Variants in DDX50 observed in about 807,000 individuals in gnomAD.
DDX50 encodes the protein DExD-box helicase 50, also known as ATP-dependent RNA helicase DDX50.
DDX50 carries 56 observed loss-of-function variants against 94.8 expected under a neutral mutation model. The ratio of observed to expected loss-of-function variants is 0.59; its 90% confidence interval spans 0.48 to 0.74. The LOEUF (loss-of-function observed/expected upper bound fraction) is 0.74, where lower values mean the gene tolerates loss of function less well. Ranked by LOEUF, DDX50 falls within the 30% of genes least tolerant of loss-of-function variation. The pLI is 0.00. For missense variants in DDX50, 713 were observed against 881.2 expected (o/e 0.81, Z 2.42); for synonymous variants, 264 against 295.4 (o/e 0.89, Z 1.09).
intron 2 of DDX50, among the ~76,000 whole-genome samples, chr10:68,909,653 T>G (rs566256318): frequency 6.6e-6 from 1 of 152,132 alleles, no homozygotes; most frequent in African/African-American, 2.4e-5. Flanking sequence ...GGTAGGAGGA[T>G]CTTTTTTTTT....
At chr10:68,929,587 A>G (rs1564612915) in intron 8 of DDX50, among the ~76,000 whole-genome samples, 1 of 151,210 alleles carries the variant, frequency 6.6e-6, no homozygotes, top group African/African-American at 2.4e-5. Context: ...CACCACACCC[A>G]GCTAATTTTT....
At chr10:68,933,670 A>C (rs1842330607) in intron 8 of DDX50, among the ~76,000 whole-genome samples, 1 of 151,856 alleles carries the variant, frequency 6.6e-6, no homozygotes, top group Non-Finnish European at 1.5e-5. Flanking sequence ...GTGGTGGCTC[A>C]CGCCTGTAAT....
At position 68,934,532 on chromosome 10, in the gene DDX50, ACT is replaced by A. The variant is rs1842356994; in HGVS notation, c.1401+175_1401+176del. 1.3e-5 allele frequency among the ~76,000 whole-genome samples: 2 copies of A among 152,114 alleles called. No individual in the cohort carries two copies. Among genetic ancestry groups the A allele is most frequent in the Non-Finnish European group, 2.9e-5 (2 of 68,036 alleles). On this transcript the variant is annotated intron_variant, in intron 9 of 14. Transcript: ENST00000373585. The surrounding 1 kb of genome is among the most constrained non-coding windows in gnomAD (Gnocchi z 4.0). Reference sequence around the variant, plus strand: ...ATTCTGATACTTTTGCAGATGATTAACTCTATTGTTTGTATTTGAAGCATGGA... The same window carrying A: ...ATTCTGATACTTTTGCAGATGATTAACTATTGTTTGTATTTGAAGCATGGA...
intron 8 of DDX50, among the ~76,000 whole-genome samples, chr10:68,924,960 A>C (rs1842041260): frequency 6.6e-6 from 1 of 152,138 alleles, no homozygotes; most frequent in African/African-American, 2.4e-5. Context: ...CAACAATTTG[A>C]GAATATGCCT....
intron 8 of DDX50, among the ~76,000 whole-genome samples, chr10:68,929,614 C>T (rs1436344257): frequency 6.6e-6 from 1 of 151,412 alleles, no homozygotes; most frequent in Admixed American, 6.6e-5. Context: ...TTAGTAGAGA[C>T]GAGGTTTCAC....
chr10:68,928,272 T>C (rs1842142073), intron 8 of DDX50, among the ~76,000 whole-genome samples: 1 of 152,146 alleles, frequency 6.6e-6, no homozygotes, highest in Admixed American at 6.6e-5. Context: ...GCAATGATCA[T>C]GCCACTGCAC....
At chr10:68,936,644 G>A (rs896606883) in intron 11 of DDX50, among the ~76,000 whole-genome samples, 1 of 149,250 alleles carries the variant, frequency 6.7e-6, no homozygotes, top group Non-Finnish European at 1.5e-5. Context: ...TTTGAGACTA[G>A]CTTGGCCAAC....
chr10:68,943,968 A>C lies in DDX50; in HGVS notation c.1935+711A>C, dbSNP rs569150025. ...CATGTACCCAACACTCAGCTTCAACAATTATCAGTTCATAGCCAGTTTTGT... is the reference window on the plus strand; with the variant it reads ...CATGTACCCAACACTCAGCTTCAACCATTATCAGTTCATAGCCAGTTTTGT... On this transcript the variant is annotated intron_variant, in intron 14 of 14. Transcript: ENST00000373585. Among the ~76,000 whole-genome samples, 2 of 152,302 alleles carry C rather than the reference A, an allele frequency of 1.3e-5. 1 individual carries two copies. The highest frequency in any genetic ancestry group is 4.8e-5 in the African/African-American group (2 of 41,570).
At chr10:68,909,044 T>C (rs1280256377) in intron 2 of DDX50, among the ~76,000 whole-genome samples, 1 of 152,156 alleles carries the variant, frequency 6.6e-6, no homozygotes, top group African/African-American at 2.4e-5. Flanking sequence ...CAGGCTAGTC[T>C]TGAACTCCTG....
intron 8 of DDX50, among the ~76,000 whole-genome samples, chr10:68,926,811 T>C (rs1458156772): frequency 6.8e-6 from 1 of 146,490 alleles, no homozygotes; most frequent in Non-Finnish European, 1.5e-5. Context: ...ACACACACTT[T>C]TGGAAAAAAA....
Position 68,913,180 on chromosome 10 carries a change from A to T in DDX50, c.658A>T (p.Thr220Ser). 6.2e-7 allele frequency: 1 copy of T among 1,608,934 alleles called. No individual in the cohort carries two copies. Among genetic ancestry groups the T allele is most frequent in the Non-Finnish European group, 8.5e-7 (1 of 1,178,852 alleles). Residue 220 changes from threonine (T) to serine (S), a missense_variant, in exon 5 of 15, where the codon ACA becomes TCA. Thr to Ser is a moderately conservative substitution (Grantham distance 58). Transcript: ENST00000373585. Reference sequence around the variant, plus strand: ...TGCTCAGGTACTTGTTTTGGCTCCAACAAGGGAACTGGCAAACCAAGTAGC... The same window carrying T: ...TGCTCAGGTACTTGTTTTGGCTCCATCAAGGGAACTGGCAAACCAAGTAGC... Reference protein sequence around the residue: ...RSPKVLVLAPTRELANQVAKD... With the variant: ...RSPKVLVLAPSRELANQVAKD...
intron 8 of DDX50, among the ~76,000 whole-genome samples, chr10:68,929,378 TTTCCTTCCTTTCCTTTCTTTCCTTTC>T (rs1842188041): frequency 1.3e-5 from 2 of 151,036 alleles, no homozygotes; most frequent in African/African-American, 4.9e-5. Context: ...CTTTCCTTTC[TTTCCTTCCTTTCCTTTCTTTCCTTTC>T]TTCCTTCCTT....
At chr10:68,935,256 A>G (rs1484709879) in intron 10 of DDX50, among the ~76,000 whole-genome samples, 10 of 152,236 alleles carry the variant, frequency 6.6e-5, no homozygotes, top group Non-Finnish European at 1.2e-4. Context: ...GTATGGTACA[A>G]TAGACAGTTT....
At chr10:68,945,677 A>G (rs1472925385) in intron 14 of DDX50, among the ~76,000 whole-genome samples, 1 of 152,180 alleles carries the variant, frequency 6.6e-6, no homozygotes, top group Non-Finnish European at 1.5e-5. Flanking sequence ...TAAAATAGTG[A>G]TGCTCTTATG....
chr10:68,910,533 G>GT lies in DDX50; in HGVS notation c.460+153dup, dbSNP rs568970686. The GT allele has an allele frequency of 2.1e-4, 119 of 577,978 alleles. 1 individual carries two copies. The highest frequency in any genetic ancestry group is 1.9e-3 in the African/African-American group (98 of 50,992). The allele number at this position is 577,978 out of a possible 1,614,324, so 35.8% of individuals were successfully genotyped here. A position where few individuals can be genotyped will look rare whatever the true frequency, so the allele number is the denominator to read the frequency against. On this transcript the variant is annotated intron_variant, in intron 3 of 14. Transcript: ENST00000373585. Reference sequence around the variant, plus strand: ...TTCTCCTACCTCAGCCTGCTGAGTAGTTGGGATTATAGGCGTGTGCCACCA... The same window carrying GT: ...TTCTCCTACCTCAGCCTGCTGAGTAGTTTGGGATTATAGGCGTGTGCCACCA...
At chr10:68,935,301 T>G (rs544813005) in intron 10 of DDX50, among the ~76,000 whole-genome samples, 173 of 152,340 alleles carry the variant, frequency 1.1e-3, no homozygotes, top group African/African-American at 3.8e-3. Context: ...GGTCTGGATT[T>G]TTTGTGGTAT....
intron 2 of DDX50, among the ~76,000 whole-genome samples, chr10:68,909,720 T>G (rs370862884): frequency 6.6e-6 from 1 of 152,096 alleles, no homozygotes; most frequent in African/African-American, 2.4e-5. Context: ...TGGAGTGCCA[T>G]GGTGCAATCT....
chr10:68,901,316 C>T lies in DDX50; in HGVS notation c.-69C>T, dbSNP rs375977620. 5.4e-5 allele frequency: 78 copies of T among 1,446,322 alleles called. No homozygotes were observed. Among genetic ancestry groups the T allele is most frequent in the African/African-American group, 1.7e-4 (12 of 68,992 alleles). The allele number at this position is 1,446,322 out of a possible 1,614,324, so 89.6% of individuals were successfully genotyped here. ...CGGGCGGCCGCCTTGCCCCCGCTTC[C>T]TTTCACGCTGTCGCTGCCCGTAGGT... On this transcript the variant is annotated 5_prime_UTR_variant, in exon 1 of 15. Coordinates refer to ENST00000373585, the MANE Select transcript of DDX50 (RefSeq NM_024045.2).
intron 2 of DDX50, among the ~76,000 whole-genome samples, chr10:68,908,366 G>A (rs532166670): frequency 1.5e-4 from 22 of 146,840 alleles, no homozygotes; most frequent in Non-Finnish European, 2.7e-4. Context: ...CAGGAGAATC[G>A]CTTGAACCTG....
Sources: allele counts gnomAD v4.1 joint callset (sites outside exome capture counted in the v4.1 genomes callset), GRCh38; gene constraint gnomAD v4.1.1; non-coding constraint Gnocchi (gnomAD v3.1); transcripts MANE v1.5; gene names NCBI Gene and HGNC (gene_info 2026-07-23, HGNC 2026-07-21).